Variants in IQCE observed in about 807,000 individuals in gnomAD.
IQCE encodes IQ motif containing E.
Under a neutral mutation model 96.0 loss-of-function variants are expected in IQCE, and 115 were observed. That is an observed-to-expected ratio of 1.20 (90% CI 1.03 to 1.40). The LOEUF (loss-of-function observed/expected upper bound fraction) is 1.40. Ranked by LOEUF, IQCE falls within the 40% of genes most tolerant of loss-of-function variation. IQCE has a pLI of 0.00. For synonymous variants in IQCE, 412 were observed against 371.2 expected, an observed-to-expected ratio of 1.11 and a Z score of -1.26; for missense variants, 1,041 against 909.1, an observed-to-expected ratio of 1.15 and a Z score of -1.87.
In IQCE at chr7:2,614,040, C is replaced by T. The variant is rs1352337621; in HGVS notation, c.*3878C>T. 1 of 152,232 alleles carries T rather than the reference C, an allele frequency of 6.6e-6. No individual in the cohort carries two copies. The highest frequency in any genetic ancestry group is 1.5e-5 in the Non-Finnish European group (1 of 68,038). 9.4% of individuals were successfully genotyped at this position (152,232 alleles called of 1,614,324 possible). ...GTCGCATGCGCTGGCTGTGGTCTGT[C>T]TGCTGAATGTCTATTTTTGTCTCCT... On this transcript the variant is annotated 3_prime_UTR_variant, in exon 22 of 22. Coordinates refer to ENST00000402050, the MANE Select transcript of IQCE (RefSeq NM_152558.5).
At chr7:2,607,613 A>G in intron 21 of IQCE, 1 of 1,087,702 alleles carries the variant, frequency 9.2e-7, no homozygotes, top group African/African-American at 1.6e-5. Flanking sequence ...CTGGCACTGC[A>G]GGATGCCACA....
chr7:2,614,123 T>A lies in IQCE; in HGVS notation c.*3961T>A, dbSNP rs1305079478. The A allele has an allele frequency of 6.8e-6, 1 of 147,886 alleles. No individual in the cohort carries two copies. Among genetic ancestry groups the A allele is most frequent in the African/African-American group, 2.5e-5 (1 of 39,634 alleles). The allele number at this position is 147,886 out of a possible 1,614,324, so 9.2% of individuals were successfully genotyped here. A position where few individuals can be genotyped will look rare whatever the true frequency, so the allele number is the denominator to read the frequency against. On this transcript the variant is annotated 3_prime_UTR_variant, in exon 22 of 22. Transcript: ENST00000402050. ...CCGATGGACCAGAAACCCCCTTCCTTGCAAAAAAAAGGCAATTGAATTAGG... is the reference window on the plus strand; with the variant it reads ...CCGATGGACCAGAAACCCCCTTCCTAGCAAAAAAAAGGCAATTGAATTAGG...
At chr7:2,573,185 GTTTA>G (rs1301219453) in intron 5 of IQCE, among the ~76,000 whole-genome samples, 1 of 152,138 alleles carries the variant, frequency 6.6e-6, no homozygotes, top group Non-Finnish European at 1.5e-5. Context: ...GTCTTCACAT[GTTTA>G]TTTATTTACT....
In IQCE at chr7:2,577,196, C is replaced by T. The variant is rs560077493; in HGVS notation, c.466-1046C>T. Among the ~76,000 whole-genome samples the T allele has an allele frequency of 5.3e-5, 8 of 152,298 alleles. No homozygotes were observed. In the South Asian group the frequency reaches 6.2e-4, roughly 12 times the overall value. ...CTCAGTGCTTCCCTGGGCCTGTGCG[C>T]GGTGTGGTGTGCGTGGCTGTGTGTG... On this transcript the variant is annotated intron_variant, in intron 6 of 21. Transcript: ENST00000402050.
Position 2,582,624 on chromosome 7 carries a change from G to C in IQCE, c.675G>C (p.Gln225His), listed in dbSNP as rs1158940978. 3.1e-6 allele frequency: 5 copies of C among 1,614,066 alleles called. No individual in the cohort carries two copies. The South Asian group carries it at 5.5e-5, about 18-fold the overall frequency. The part of the protein sequence containing the change: ...LKQRILKLEQ[Q>H]CKEKDGTISK... ...AGAGGATCCTGAAGCTGGAACAGCA[G>C]TGCAAGGAGAAGGACGGCACCATCA... is the stretch of plus-strand genomic sequence containing the variant. Residue 225 changes from glutamine to histidine, a missense_variant, in exon 9 of 22, where the codon CAG becomes CAC. Physicochemically the swap from Gln to His is conservative, Grantham distance 24. Coordinates refer to ENST00000402050, the MANE Select transcript of IQCE (RefSeq NM_152558.5).
chr7:2,576,143 C>T (rs11765094), intron 6 of IQCE, among the ~76,000 whole-genome samples: 17,364 of 152,174 alleles, frequency 0.11, 1,384 homozygotes, highest in Non-Finnish European at 0.16. Flanking sequence ...GCCGCCCCCG[C>T]GGGGTGTGCA....
Position 2,598,649 on chromosome 7 carries a change from C to T in IQCE, c.1608+17C>T, listed in dbSNP as rs772578410. The T allele has an allele frequency of 1.3e-5, 19 of 1,502,010 alleles. No homozygotes were observed. The highest frequency in any genetic ancestry group is 1.4e-5 in the African/African-American group (1 of 70,850). The allele number at this position is 1,502,010 out of a possible 1,614,324, so 93.0% of individuals were successfully genotyped here. ...AAGCACAAGGTGAGGCTCCCCGGGG[C>T]GACCCGGGCTGCTCCCTGTGAGTCT... is the stretch of plus-strand genomic sequence containing the variant. On this transcript the variant is annotated intron_variant, in intron 17 of 21. Coordinates refer to ENST00000402050, the MANE Select transcript of IQCE (RefSeq NM_152558.5).
intron 15 of IQCE, 53 bp from the exon 16 acceptor site, chr7:2,594,833 C>T (rs1033647667): frequency 7.4e-7 from 1 of 1,346,612 alleles, no homozygotes; most frequent in Non-Finnish European, 1.1e-6. Flanking sequence ...CTGTGCCGGC[C>T]TTCATCACAT....
At chr7:2,603,770 T>C (rs1261491620) in intron 18 of IQCE, among the ~76,000 whole-genome samples, 4 of 151,986 alleles carry the variant, frequency 2.6e-5, no homozygotes, top group Non-Finnish European at 5.9e-5. Context: ...TTTCCCACCC[T>C]AGCTTTAAGA....
intron 2 of IQCE, among the ~76,000 whole-genome samples, chr7:2,568,484 C>T (rs1444708221): frequency 5.3e-5 from 8 of 152,174 alleles, no homozygotes; most frequent in East Asian, 1.9e-4. Flanking sequence ...TGTTTGGCAT[C>T]GTGGTTGTCA....
rs1001225668 is a variant in IQCE at position 2,602,718 on chromosome 7, C to T, written c.1632+1254C>T. Among the ~76,000 whole-genome samples, 15 of 152,236 alleles carry T rather than the reference C, an allele frequency of 9.9e-5. 1 individual carries two copies. Among genetic ancestry groups the T allele is most frequent in the Admixed American group, 7.9e-4 (12 of 15,284 alleles). On this transcript the variant is annotated intron_variant, in intron 18 of 21. Transcript: ENST00000402050. ...TACTCATCCACAAGTGTTTGCTGGG[C>T]TCCTGCCATGTGCCGGGCACCAGAG... is the stretch of plus-strand genomic sequence containing the variant.
intron 3 of IQCE, among the ~76,000 whole-genome samples, chr7:2,570,830 T>C (rs192644074): frequency 5.5e-4 from 83 of 152,286 alleles, no homozygotes; most frequent in Non-Finnish European, 1.1e-3. Context: ...ATTTTACATA[T>C]TAAGTTCTAA....
intron 9 of IQCE, among the ~76,000 whole-genome samples, 163 bp from the exon 10 acceptor site, chr7:2,583,474 G>T (rs1051534273): frequency 2.6e-5 from 4 of 152,068 alleles, no homozygotes; most frequent in African/African-American, 4.8e-5. Flanking sequence ...CGAGTCACTT[G>T]TTCAAGGAAC....
At chr7:2,563,116 G>C (rs1311166869) in intron 1 of IQCE, among the ~76,000 whole-genome samples, 1 of 152,036 alleles carries the variant, frequency 6.6e-6, no homozygotes, top group African/African-American at 2.4e-5. Flanking sequence ...TGTCAACACT[G>C]GGTGTCACTA....
intron 6 of IQCE, among the ~76,000 whole-genome samples, chr7:2,573,930 A>G (rs115912309): frequency 0.016 from 2,442 of 152,190 alleles, 60 homozygotes; most frequent in African/African-American, 0.054. Context: ...ACTTGTTACA[A>G]CCACAGTCTG....
intron 21 of IQCE, among the ~76,000 whole-genome samples, chr7:2,609,185 G>A (rs553953184): frequency 2.6e-5 from 4 of 152,096 alleles, no homozygotes; most frequent in African/African-American, 9.7e-5. Flanking sequence ...AGTTTGGAAC[G>A]CTCTAGATGC....
At chr7:2,607,474 A>G in intron 21 of IQCE, 1 of 1,307,406 alleles carries the variant, frequency 7.6e-7, no homozygotes, top group Non-Finnish European at 9.7e-7. Context: ...TTTTGCTCTC[A>G]GCTCCAACAG....
intron 1 of IQCE, 120 bp downstream of exon 1, chr7:2,559,337 C>A (rs978432504): frequency 6.6e-6 from 3 of 454,970 alleles, no homozygotes; most frequent in Non-Finnish European, 6.8e-6. Flanking sequence ...ACGGGGCGCA[C>A]GGCCGGGTGA....
At chr7:2,590,627 G>A (rs994521109) in intron 14 of IQCE, among the ~76,000 whole-genome samples, 1 of 152,054 alleles carries the variant, frequency 6.6e-6, no homozygotes, top group Non-Finnish European at 1.5e-5. Context: ...TTAACTGGGC[G>A]TGGTGGCTCA....
Sources: allele counts gnomAD v4.1 joint callset (sites outside exome capture counted in the v4.1 genomes callset), GRCh38; gene constraint gnomAD v4.1.1; transcripts MANE v1.5; gene names NCBI Gene and HGNC (gene_info 2026-07-23, HGNC 2026-07-21).